CDH12: variants seen among roughly 807,000 people sequenced by gnomAD.
CDH12 encodes cadherin 12, also known as cadherin-12.
CDH12 carries 41 observed loss-of-function variants against 74.1 expected under a neutral mutation model. The observed-to-expected ratio is 0.55, with a 90% CI of 0.43 to 0.72. The LOEUF (loss-of-function observed/expected upper bound fraction) is 0.72, where lower values mean the gene tolerates loss of function less well. Among genes scored for constraint, CDH12 ranks in the 30% least tolerant of loss-of-function variants. The probability of loss-of-function intolerance (pLI) is 0.00; values close to 1 mark genes in which losing one functional copy is unlikely to be tolerated. For synonymous variants in CDH12, 399 were observed against 355.0 expected (o/e 1.12, Z -1.39); for missense variants, 945 against 977.2 (o/e 0.97, Z 0.44).
chr5:22,307,937 G>T (rs1166010646), intron 3 of CDH12, among the ~76,000 whole-genome samples: 3 of 123,890 alleles, frequency 2.4e-5, no homozygotes, highest in Admixed American at 1.0e-4. Context: ...CTGGAGTGCA[G>T]TGGCGCGATC....
At chr5:21,970,577 T>C (rs1395256851) in intron 6 of CDH12, among the ~76,000 whole-genome samples, 8 of 151,950 alleles carry the variant, frequency 5.3e-5, no homozygotes, top group African/African-American at 1.9e-4. Context: ...CTGTGGCTCA[T>C]GTCCTTAACA....
At chr5:22,684,293 CT>C (rs1314969193) in intron 1 of CDH12, among the ~76,000 whole-genome samples, 1 of 152,134 alleles carries the variant, frequency 6.6e-6, no homozygotes. Context: ...AGCATTTATC[CT>C]TTGAGTTACA....
At chr5:22,196,509 C>G (rs561309230) in intron 4 of CDH12, among the ~76,000 whole-genome samples, 1 of 152,106 alleles carries the variant, frequency 6.6e-6, no homozygotes, top group African/African-American at 2.4e-5. Flanking sequence ...CTCATGCACT[C>G]CATTCCAGGT....
intron 9 of CDH12, among the ~76,000 whole-genome samples, chr5:21,816,649 A>AAAAAAAAAAAAAAAAAAAAC (rs1561209107): frequency 6.9e-6 from 1 of 145,178 alleles, no homozygotes; most frequent in African/African-American, 2.5e-5. Context: ...AAAAAAAAAA[A>AAAAAAAAAAAAAAAAAAAAC]AAAAGAATAG....
intron 3 of CDH12, among the ~76,000 whole-genome samples, chr5:22,384,542 A>AG (rs1433312190): frequency 6.3e-5 from 9 of 142,178 alleles, no homozygotes; most frequent in African/African-American, 1.0e-4. Flanking sequence ...AAAAAAAAAG[A>AG]AAAAGAAAAA....
chr5:22,851,360 A>G (rs1390766856), intron 1 of CDH12, among the ~76,000 whole-genome samples: 3 of 152,170 alleles, frequency 2.0e-5, no homozygotes, highest in African/African-American at 7.2e-5. Context: ...GGCACACCAC[A>G]GTAGAAGTTA....
intron 3 of CDH12, among the ~76,000 whole-genome samples, chr5:22,218,495 T>A (rs1354883639): frequency 6.6e-6 from 1 of 151,772 alleles, no homozygotes; most frequent in Non-Finnish European, 1.5e-5. Context: ...TACTAATATA[T>A]AATTACATTT....
Position 21,928,982 on chromosome 5 carries a change from T to A in CDH12, c.526+46109A>T, listed in dbSNP as rs140919043. On this transcript the variant is annotated intron_variant, in intron 6 of 14. Transcript: ENST00000382254. The stretch of plus-strand genomic sequence containing the variant: ...TTCTTTGCTCTTCCATAAATGACCA[T>A]CATACAAGACCACCCAGAATTCACC... Among the ~76,000 whole-genome samples, 806 of 152,196 alleles carry A rather than the reference T, an allele frequency of 5.3e-3. 8 individuals are homozygous for A. The highest frequency in any genetic ancestry group is 0.018 in the African/African-American group (762 of 41,520).
chr5:22,163,052 G>A (rs1281340946), intron 4 of CDH12, among the ~76,000 whole-genome samples: 1 of 151,800 alleles, frequency 6.6e-6, no homozygotes, highest in African/African-American at 2.4e-5. Context: ...GCCCGTCACC[G>A]CGCCCGGCTA....
intron 3 of CDH12, among the ~76,000 whole-genome samples, chr5:22,371,106 A>C (rs754056780): frequency 1.4e-4 from 21 of 152,170 alleles, no homozygotes; most frequent in Admixed American, 7.9e-4. Context: ...ATTAATAATA[A>C]GGAAGAAAAA....
chr5:22,328,668 T>C (rs1739223578), intron 3 of CDH12, among the ~76,000 whole-genome samples: 1 of 152,034 alleles, frequency 6.6e-6, no homozygotes, highest in Admixed American at 6.6e-5. Flanking sequence ...TCTCTAAAGA[T>C]GTAAGAAGGA....
chr5:21,998,115 T>G (rs1188174517), intron 5 of CDH12, among the ~76,000 whole-genome samples: 1 of 152,102 alleles, frequency 6.6e-6, no homozygotes, highest in African/African-American at 2.4e-5. Context: ...GAGTATATAT[T>G]GACCTTCATT....
chr5:21,785,100 G>T (rs1193194726), intron 10 of CDH12, among the ~76,000 whole-genome samples: 1 of 134,204 alleles, frequency 7.5e-6, no homozygotes, highest in Non-Finnish European at 1.7e-5. Flanking sequence ...TTATAACAGG[G>T]TGATCTATGA....
At chr5:22,163,366 C>T (rs1748476410) in intron 4 of CDH12, among the ~76,000 whole-genome samples, 1 of 152,122 alleles carries the variant, frequency 6.6e-6, no homozygotes, top group African/African-American at 2.4e-5. Context: ...ATGTACATAA[C>T]ACAAAGAATC....
At chr5:21,863,096 A>G (rs548640780) in intron 6 of CDH12, among the ~76,000 whole-genome samples, 1 of 152,276 alleles carries the variant, frequency 6.6e-6, no homozygotes, top group African/African-American at 2.4e-5. Context: ...TTTTTAAAAA[A>G]TCATCTAAAC....
chr5:22,375,449 T>C (rs748319900), intron 3 of CDH12, among the ~76,000 whole-genome samples: 7 of 151,978 alleles, frequency 4.6e-5, no homozygotes, highest in Non-Finnish European at 1.0e-4. Context: ...AATAGACATA[T>C]GGAACTATAA....
At chr5:22,822,926 A>C (rs980476313) in intron 1 of CDH12, among the ~76,000 whole-genome samples, 9 of 152,118 alleles carry the variant, frequency 5.9e-5, no homozygotes, top group Non-Finnish European at 1.0e-4. Flanking sequence ...ATAAAGATAC[A>C]TGCACATGTA....
intron 1 of CDH12, among the ~76,000 whole-genome samples, chr5:22,647,845 A>G: frequency 6.6e-6 from 1 of 151,900 alleles, no homozygotes. Flanking sequence ...ATTCACTTTT[A>G]TGCAATCCCT....
intron 1 of CDH12, among the ~76,000 whole-genome samples, chr5:22,614,208 T>C (rs1453105619): frequency 1.3e-5 from 2 of 152,106 alleles, no homozygotes; most frequent in African/African-American, 2.4e-5. Context: ...CAAGCTCTCA[T>C]TTGGACTTGT....
Sources: allele counts gnomAD v4.1 joint callset (sites outside exome capture counted in the v4.1 genomes callset), GRCh38; gene constraint gnomAD v4.1.1; transcripts MANE v1.5; gene names NCBI Gene and HGNC (gene_info 2026-07-23, HGNC 2026-07-21).